TMCO4: variants seen among roughly 807,000 people sequenced by gnomAD.
TMCO4 encodes the protein transmembrane and coiled-coil domain-containing protein 4.
In TMCO4, 58 loss-of-function variants were observed where a neutral mutation model predicts 64.7. The ratio of observed to expected loss-of-function variants is 0.90; its 90% CI spans 0.73 to 1.12. The LOEUF (loss-of-function observed/expected upper bound fraction) is 1.12, where lower values mean the gene tolerates loss of function less well. Among genes scored for constraint, TMCO4 ranks in the 50% most tolerant of loss-of-function variants. The pLI is 0.00. For synonymous variants in TMCO4, 325 were observed against 346.1 expected (o/e 0.94, Z 0.68); for missense variants, 780 against 825.9 (o/e 0.94, Z 0.68).
At chr1:19,696,324 A>T (rs1299146675) in intron 14 of TMCO4, among the ~76,000 whole-genome samples, 1 of 152,112 alleles carries the variant, frequency 6.6e-6, no homozygotes, top group Non-Finnish European at 1.5e-5. Flanking sequence ...CTGAGGTGGG[A>T]GGATTGCTCG....
At chr1:19,789,828 G>A (rs2043936884) in intron 2 of TMCO4, among the ~76,000 whole-genome samples, 1 of 151,940 alleles carries the variant, frequency 6.6e-6, no homozygotes, top group African/African-American at 2.4e-5. Flanking sequence ...CGAGGCAGGT[G>A]GATCTCTTGA....
chr1:19,762,410 A>G (rs1193426281), intron 6 of TMCO4, among the ~76,000 whole-genome samples: 1 of 152,150 alleles, frequency 6.6e-6, no homozygotes, highest in East Asian at 1.9e-4. Flanking sequence ...AGACACCCAG[A>G]ACTGCGGGAT....
intron 6 of TMCO4, among the ~76,000 whole-genome samples, chr1:19,759,677 G>C (rs886716419): frequency 4.6e-5 from 7 of 152,144 alleles, no homozygotes; most frequent in African/African-American, 1.7e-4. Context: ...TTTCCCATCA[G>C]TCAGGTCTCC....
At position 19,796,386 on chromosome 1, in the gene TMCO4, C is replaced by T. The variant is rs1161065973; in HGVS notation, c.-101+1751G>A. Among the ~76,000 whole-genome samples the T allele has an allele frequency of 1.2e-4, 18 of 152,230 alleles. No homozygotes were observed. The South Asian group carries it at 3.7e-3, about 32-fold the overall frequency. ...AGCTCCAAAGACTTCGTCTGGGCCC[C>T]TCCACCTCTCCTTGGACATAATGGC... On this transcript the variant is annotated intron_variant, in intron 2 of 15. Transcript: ENST00000294543.
At chr1:19,767,360 G>A (rs1008226821) in intron 6 of TMCO4, among the ~76,000 whole-genome samples, 2 of 152,204 alleles carry the variant, frequency 1.3e-5, no homozygotes, top group Non-Finnish European at 2.9e-5. Flanking sequence ...ATTCTCAATG[G>A]AAATTTTAAG....
At chr1:19,767,339 A>C (rs1351657704) in intron 6 of TMCO4, among the ~76,000 whole-genome samples, 1 of 152,188 alleles carries the variant, frequency 6.6e-6, no homozygotes, top group Non-Finnish European at 1.5e-5. Context: ...AGTGCTGAAT[A>C]AGTGGTAGTC....
chr1:19,753,013 G>A (rs2042088157), intron 7 of TMCO4, among the ~76,000 whole-genome samples: 1 of 151,666 alleles, frequency 6.6e-6, no homozygotes, highest in African/African-American at 2.4e-5. Flanking sequence ...AGGCTGGAGT[G>A]CAATGGCATG....
intron 13 of TMCO4, among the ~76,000 whole-genome samples, chr1:19,716,870 C>T (rs1167186798): frequency 6.6e-6 from 1 of 152,144 alleles, no homozygotes; most frequent in African/African-American, 2.4e-5. Flanking sequence ...CCGCCAGCCT[C>T]AAGGAAGCTG....
Position 19,685,226 on chromosome 1 carries a change from T to C in TMCO4, c.1501-1782A>G, listed in dbSNP as rs779624810. Among the ~76,000 whole-genome samples the C allele has an allele frequency of 3.4e-4, 51 of 152,016 alleles. 1 individual carries two copies. Among genetic ancestry groups the C allele is most frequent in the Non-Finnish European group, 6.6e-4 (45 of 67,958 alleles). ...CTGTAATTCCAGTGACTATGTAGGC[T>C]GGGGTAGGAGGATGGCTTGAGCCTG... On this transcript the variant is annotated intron_variant, in intron 15 of 15. Transcript: ENST00000294543.
intron 4 of TMCO4, among the ~76,000 whole-genome samples, chr1:19,773,542 G>C (rs1439418334): frequency 1.3e-5 from 2 of 152,188 alleles, no homozygotes; most frequent in Non-Finnish European, 2.9e-5. Flanking sequence ...TTCAGCTGAG[G>C]CAGGCCCAAA....
At chr1:19,722,149 C>A (rs2095387629) in intron 13 of TMCO4, among the ~76,000 whole-genome samples, 2 of 152,252 alleles carry the variant, frequency 1.3e-5, no homozygotes, top group South Asian at 4.2e-4. Context: ...TCAAGGGGAT[C>A]CTGTACAGTG....
At chr1:19,699,274 C>G (rs2095256112) in intron 14 of TMCO4, among the ~76,000 whole-genome samples, 1 of 151,824 alleles carries the variant, frequency 6.6e-6, no homozygotes, top group South Asian at 2.1e-4. Flanking sequence ...TGGGCACCTA[C>G]TAAGTGCCAG....
intron 13 of TMCO4, among the ~76,000 whole-genome samples, chr1:19,711,066 G>A (rs536075988): frequency 3.1e-4 from 47 of 152,352 alleles, no homozygotes; most frequent in Admixed American, 1.7e-3. Context: ...ATGAGTTTGA[G>A]TTAACAATAG....
chr1:19,795,032 G>C (rs1159925016), intron 2 of TMCO4, among the ~76,000 whole-genome samples: 1 of 152,168 alleles, frequency 6.6e-6, no homozygotes, highest in Non-Finnish European at 1.5e-5. Flanking sequence ...AATGGGTGTG[G>C]AGTTTCAGAT....
intron 13 of TMCO4, among the ~76,000 whole-genome samples, chr1:19,718,102 G>A (rs12043118): frequency 0.054 from 8,275 of 152,092 alleles, 687 homozygotes; most frequent in East Asian, 0.45. Flanking sequence ...GGATGCTAAG[G>A]CAGGTGGATC....
At chr1:19,795,287 T>G (rs1007458772) in intron 2 of TMCO4, among the ~76,000 whole-genome samples, 4 of 151,952 alleles carry the variant, frequency 2.6e-5, no homozygotes, top group Non-Finnish European at 5.9e-5. Flanking sequence ...CTGGACAACA[T>G]GGTGAAACCC....
intron 13 of TMCO4, among the ~76,000 whole-genome samples, chr1:19,731,338 AT>A (rs1257256556): frequency 2.0e-5 from 3 of 152,200 alleles, no homozygotes; most frequent in Non-Finnish European, 4.4e-5. Flanking sequence ...GAAATTATCA[AT>A]GCTCAGCGAG....
At chr1:19,782,620 C>T (rs1299322048) in intron 3 of TMCO4, among the ~76,000 whole-genome samples, 1 of 152,168 alleles carries the variant, frequency 6.6e-6, no homozygotes, top group East Asian at 1.9e-4. Flanking sequence ...TCCCTCTATT[C>T]TTTCCTTCCT....
At chr1:19,714,997 C>T (rs2095348825) in intron 13 of TMCO4, among the ~76,000 whole-genome samples, 1 of 152,030 alleles carries the variant, frequency 6.6e-6, no homozygotes, top group African/African-American at 2.4e-5. Context: ...AACCCCAGCA[C>T]TTTTGGAGGC....
Sources: gnomAD v4.1 joint callset for allele counts (sites outside exome capture counted in the v4.1 genomes callset) on GRCh38, gnomAD v4.1.1 for gene constraint, MANE v1.5 for transcripts, NCBI Gene and HGNC (gene_info 2026-07-23, HGNC 2026-07-21) for gene names.